The following PDE5A variants were observed in gnomAD, a reference collection of about 807,000 sequenced individuals.
PDE5A encodes cGMP-specific 3',5'-cyclic phosphodiesterase.
In PDE5A, 67 loss-of-function variants were observed where a neutral mutation model predicts 110.2. The observed-to-expected ratio is 0.61, with a 90% CI of 0.50 to 0.75. The LOEUF is 0.75. PDE5A is among the 30% of genes least tolerant of loss of function. PDE5A has a pLI of 0.00. For missense variants in PDE5A, 862 were observed against 1,045.1 expected, an observed-to-expected ratio of 0.82 and a Z score of 2.42; for synonymous variants, 328 against 351.2, an observed-to-expected ratio of 0.93 and a Z score of 0.74.
chr4:119,600,885 A>C (rs1035241454), intron 2 of PDE5A, among the ~76,000 whole-genome samples: 3 of 152,182 alleles, frequency 2.0e-5, no homozygotes, highest in African/African-American at 7.2e-5. Flanking sequence ...GATACTTATT[A>C]ATTACAATGG....
chr4:119,598,084 A>G (rs1282645938), intron 2 of PDE5A, among the ~76,000 whole-genome samples: 1 of 152,158 alleles, frequency 6.6e-6, no homozygotes, highest in Non-Finnish European at 1.5e-5. Flanking sequence ...AATTATTGAT[A>G]TATAGTGAAT....
At chr4:119,615,868 AGAC>A (rs980960229) in intron 1 of PDE5A, among the ~76,000 whole-genome samples, 8 of 152,304 alleles carry the variant, frequency 5.3e-5, no homozygotes, top group Admixed American at 3.9e-4. Context: ...TATTAATGAA[AGAC>A]AACAGGCCCT....
At position 119,627,327 on chromosome 4, in the gene PDE5A, C is replaced by T. The variant is rs1270616208; in HGVS notation, c.152+1193G>A. The T allele has an allele frequency of 4.1e-5, 47 of 1,155,748 alleles. No individual in the cohort carries two copies. The highest frequency in any genetic ancestry group is 5.0e-5 in the Non-Finnish European group (47 of 931,238). The allele number at this position is 1,155,748 out of a possible 1,614,324, so 71.6% of individuals were successfully genotyped here. On this transcript the variant is annotated intron_variant, in intron 1 of 20. Transcript: ENST00000354960. This position sits in a 1 kb window ranked among gnomAD's most constrained non-coding sequence, Gnocchi z 4.6. Reference sequence around the variant, plus strand: ...CCGGCCTCCGCGCCGCCGCCCGTCGCCTCCCGCTCGCCCCGCGCTGCGCCG... The same window carrying T: ...CCGGCCTCCGCGCCGCCGCCCGTCGTCTCCCGCTCGCCCCGCGCTGCGCCG...
At chr4:119,559,889 A>T (rs1285206114) in intron 7 of PDE5A, among the ~76,000 whole-genome samples, 1 of 152,172 alleles carries the variant, frequency 6.6e-6, no homozygotes, top group African/African-American at 2.4e-5. Flanking sequence ...ATCTCCCTTG[A>T]CTACTCACTT....
At chr4:119,510,497 C>T (rs1725699781) in intron 15 of PDE5A, among the ~76,000 whole-genome samples, 1 of 151,994 alleles carries the variant, frequency 6.6e-6, no homozygotes, top group Non-Finnish European at 1.5e-5. Context: ...TTTCATTACA[C>T]CAGCACAGCC....
intron 3 of PDE5A, among the ~76,000 whole-genome samples, chr4:119,590,231 T>G (rs1728918684): frequency 6.6e-6 from 1 of 152,220 alleles, no homozygotes; most frequent in African/African-American, 2.4e-5. Context: ...TTAAATGAAC[T>G]AATACTTGCC....
chr4:119,597,986 G>A (rs1414582731), intron 2 of PDE5A, among the ~76,000 whole-genome samples: 1 of 152,012 alleles, frequency 6.6e-6, no homozygotes, highest in African/African-American at 2.4e-5. Flanking sequence ...AACTTTAGCT[G>A]AATCTTCCTA....
chr4:119,559,552 A>G (rs76307846), intron 7 of PDE5A, among the ~76,000 whole-genome samples: 1 of 152,202 alleles, frequency 6.6e-6, no homozygotes, highest in Non-Finnish European at 1.5e-5. Flanking sequence ...AAATATTTAC[A>G]TATGTCCTAC....
chr4:119,607,680 T>G (rs1729590068), intron 1 of PDE5A, among the ~76,000 whole-genome samples: 1 of 151,912 alleles, frequency 6.6e-6, no homozygotes, highest in Non-Finnish European at 1.5e-5. Context: ...GAGGCTGTAG[T>G]GAGGTATGAT....
intron 18 of PDE5A, among the ~76,000 whole-genome samples, chr4:119,503,486 A>G (rs780565448): frequency 2.0e-5 from 3 of 152,124 alleles, no homozygotes; most frequent in Non-Finnish European, 4.4e-5. Flanking sequence ...TCTATGTTCT[A>G]CTTGTTAATG....
chr4:119,565,464 A>T (rs1381340717), intron 4 of PDE5A, 54 bp from the exon 5 acceptor site: 1 of 1,102,760 alleles, frequency 9.1e-7, no homozygotes, highest in Non-Finnish European at 1.4e-6. Context: ...GTCTAGTTAC[A>T]TTGCCTGAAA....
intron 11 of PDE5A, among the ~76,000 whole-genome samples, chr4:119,535,772 T>C (rs1480939): frequency 0.26 from 40,029 of 152,112 alleles, 5,401 homozygotes; most frequent in East Asian, 0.38. Context: ...TACTTTGTTA[T>C]AACTGGAGAA....
chr4:119,538,970 T>G lies in PDE5A; in HGVS notation c.1622A>C (p.Gln541Pro). 1 of 1,612,150 alleles carries G rather than the reference T, an allele frequency of 6.2e-7. No individual in the cohort carries two copies. Among genetic ancestry groups the G allele is most frequent in the South Asian group, 1.1e-5 (1 of 91,034 alleles). Residue 541 changes from glutamine (Q) to proline (P), a missense_variant, in exon 11 of 21, where the codon CAG becomes CCG. Transcript: ENST00000354960. ...SAAEEETREL[Q>P]SLAAAVVPSA... ...AAAGAGGATAATTACCGCTAACGAC[T>G]GTAGCTCTCTTGTTTCTTCCTCTGC...
At chr4:119,515,110 T>C (rs913766751) in intron 14 of PDE5A, among the ~76,000 whole-genome samples, 2 of 152,340 alleles carry the variant, frequency 1.3e-5, no homozygotes, top group Admixed American at 6.5e-5. Context: ...GCTTCTATTA[T>C]TAGTATTTAC....
Position 119,606,800 on chromosome 4 carries a change from G to A in PDE5A, c.650C>T (p.Ser217Leu), listed in dbSNP as rs1442251085. ...CCATTCTAAGCGGATACAGTTATTT[G>A]AAACTTCTTCCAGTGTTGAACCTTC... Reference protein sequence around the residue: ...VAEGSTLEEVSNNCIRLEWNK... With the variant: ...VAEGSTLEEVLNNCIRLEWNK... Residue 217 changes from serine to leucine, a missense_variant, in exon 2 of 21, where the codon TCA (serine) becomes TTA (leucine). By Grantham distance (145) the Ser-to-Leu change is moderately radical. Transcript: ENST00000354960. 4 of 1,614,156 alleles carry A rather than the reference G, an allele frequency of 2.5e-6. No homozygotes were observed. Among genetic ancestry groups the A allele is most frequent in the Non-Finnish European group, 3.4e-6 (4 of 1,180,014 alleles).
intron 1 of PDE5A, among the ~76,000 whole-genome samples, chr4:119,619,120 T>C (rs1405524428): frequency 6.6e-6 from 1 of 152,188 alleles, no homozygotes; most frequent in Non-Finnish European, 1.5e-5. Context: ...TGATAACTTA[T>C]ATGGAAATCT....
intron 20 of PDE5A, 151 bp downstream of exon 20, chr4:119,501,019 C>T: frequency 1.7e-6 from 1 of 595,170 alleles, no homozygotes; most frequent in Non-Finnish European, 3.0e-6. Context: ...TCAATACAAA[C>T]ATGTTCATCA....
rs544634142 is a variant in PDE5A at position 119,619,560 on chromosome 4, C to T, written c.152+8960G>A. Among the ~76,000 whole-genome samples the T allele has an allele frequency of 2.0e-5, 3 of 152,182 alleles. No homozygotes were observed. In the East Asian group the frequency reaches 5.8e-4, roughly 29 times the overall value. On this transcript the variant is annotated intron_variant, in intron 1 of 20. Transcript: ENST00000354960. ...ATCCCACAAAAACTTCTGTTCGAAC[C>T]ATTAATAAAATTCATCTAAAAAATG...
intron 1 of PDE5A, among the ~76,000 whole-genome samples, chr4:119,618,716 C>T (rs147594415): frequency 6.7e-6 from 1 of 150,364 alleles, no homozygotes; most frequent in Non-Finnish European, 1.5e-5. Context: ...AAAAAAAATA[C>T]AATAATTACC....
Sources: allele counts gnomAD v4.1 joint callset (sites outside exome capture counted in the v4.1 genomes callset), GRCh38; gene constraint gnomAD v4.1.1; non-coding constraint Gnocchi (gnomAD v3.1); transcripts MANE v1.5; gene names NCBI Gene and HGNC (gene_info 2026-07-23, HGNC 2026-07-21).